The following SCN4A variants were observed in gnomAD, a reference collection of about 807,000 sequenced individuals.
SCN4A encodes the protein sodium channel protein type 4 subunit alpha.
SCN4A carries 83 observed loss-of-function variants against 162.0 expected under a neutral mutation model. The ratio of observed to expected loss-of-function variants is 0.51; its 90% CI spans 0.43 to 0.61. SCN4A has a LOEUF of 0.61. Ranked by LOEUF, SCN4A falls within the 20% of genes least tolerant of loss-of-function variation. The pLI, the probability that SCN4A is intolerant of heterozygous loss-of-function variation, is 0.00. For missense variants in SCN4A, 2,196 were observed against 2,462.5 expected (o/e 0.89, Z 2.29); for synonymous variants, 944 against 985.1 (o/e 0.96, Z 0.78).
intron 12 of SCN4A, among the ~76,000 whole-genome samples, chr17:63,958,513 T>C (rs1409581623): frequency 3.3e-5 from 5 of 152,240 alleles, no homozygotes; most frequent in Admixed American, 2.6e-4. Context: ...ACTTTCTCTA[T>C]ACTTTTGTGC....
chr17:63,954,498 G>A (rs1390875523), intron 13 of SCN4A, among the ~76,000 whole-genome samples: 1 of 152,172 alleles, frequency 6.6e-6, no homozygotes, highest in East Asian at 1.9e-4. Context: ...CATGGGGGAA[G>A]GGAGGAGGGG....
At position 63,940,560 on chromosome 17, in the gene SCN4A, A is replaced by T. The variant is rs891707863; in HGVS notation, c.*211T>A. ...GGCAGGGGCCTCAGACCCAGCATGG[A>T]GCCCCTGAGCGCAATTCCCATTTCC... On this transcript the variant is annotated 3_prime_UTR_variant, in exon 24 of 24. Coordinates refer to ENST00000435607, the MANE Select transcript of SCN4A (RefSeq NM_000334.4). 7.8e-6 allele frequency: 4 copies of T among 515,554 alleles called. No homozygotes were observed. In the African/African-American group the frequency reaches 7.8e-5, roughly 10 times the overall value. 31.9% of individuals were successfully genotyped at this position (515,554 alleles called of 1,614,324 possible).
At position 63,968,108 on chromosome 17, in the gene SCN4A, T is replaced by C. The variant is rs185246154; in HGVS notation, c.951A>G (p.Ser317=). ...YGNEMWYGND[S]WYANDTWNSH... is the part of the protein sequence containing the mutation. ...TGTTCCACGTGTCGTTGGCATACCA[T>C]GAGTCATTGCCGTACCACATCTCAT... Residue 317 remains serine (S), a synonymous_variant, in exon 6 of 24, where the codon TCA becomes TCG. Coordinates refer to ENST00000435607, the MANE Select transcript of SCN4A (RefSeq NM_000334.4). The C allele has an allele frequency of 6.9e-5, 111 of 1,613,912 alleles. No individual in the cohort carries two copies. The African/African-American group carries it at 1.4e-3, about 20-fold the overall frequency.
intron 22 of SCN4A, 24 bp from the exon 23 acceptor site, chr17:63,943,120 G>T: frequency 1.3e-6 from 2 of 1,598,776 alleles, no homozygotes; most frequent in Non-Finnish European, 1.7e-6. Context: ...GGGAGTGGAT[G>T]TGGAGGAGTT....
In SCN4A at chr17:63,945,759, G is replaced by A; in HGVS notation, c.3442-121C>T. Reference sequence around the variant, plus strand: ...ATTGTCAATTAGGGAGGGCTTCCTAGAGGAGGGCCGACCTGCTGGGCTGTG... The same window carrying A: ...ATTGTCAATTAGGGAGGGCTTCCTAAAGGAGGGCCGACCTGCTGGGCTGTG... On this transcript the variant is annotated intron_variant, in intron 18 of 23. Coordinates refer to ENST00000435607, the MANE Select transcript of SCN4A (RefSeq NM_000334.4). This position sits in a 1 kb window ranked among gnomAD's most constrained non-coding sequence, Gnocchi z 4.4. 1 of 1,024,610 alleles carries A rather than the reference G, an allele frequency of 9.8e-7. No homozygotes were observed. Among genetic ancestry groups the A allele is most frequent in the Admixed American group, 1.9e-5 (1 of 52,492 alleles). The allele number at this position is 1,024,610 out of a possible 1,614,324, so 63.5% of individuals were successfully genotyped here. A position where few individuals can be genotyped will look rare whatever the true frequency, so the allele number is the denominator to read the frequency against.
rs1453877108 is a variant in SCN4A, at chr17:63,939,862, AGGAGTGAGGCAG to A, written c.*897_*908del. ...CCTGGAGCCCTGGTGGTGCTCACGG[AGGAGTGAGGCAG>A]GGAGAGAGGGAAGGGGCGAGAATCT... On this transcript the variant is annotated 3_prime_UTR_variant, in exon 24 of 24. Transcript: ENST00000435607. 3 of 152,168 alleles carry A rather than the reference AGGAGTGAGGCAG, an allele frequency of 2.0e-5. No homozygotes were observed. The East Asian group carries it at 5.8e-4, about 29-fold the overall frequency. 9.4% of individuals were successfully genotyped at this position (152,168 alleles called of 1,614,324 possible).
Position 63,940,608 on chromosome 17 carries a change from T to A in SCN4A, c.*163A>T, listed in dbSNP as rs181284526. On this transcript the variant is annotated 3_prime_UTR_variant, in exon 24 of 24. Transcript: ENST00000435607. ...TCCCATGGTCTGGGAACGCAGGCGCTCGGGCCTGGGTGTCAGCCCCAGTGT... is the reference window on the plus strand; with the variant it reads ...TCCCATGGTCTGGGAACGCAGGCGCACGGGCCTGGGTGTCAGCCCCAGTGT... 1 of 767,288 alleles carries A rather than the reference T, an allele frequency of 1.3e-6. No homozygotes were observed. Among genetic ancestry groups the A allele is most frequent in the African/African-American group, 1.8e-5 (1 of 55,444 alleles). The allele number at this position is 767,288 out of a possible 1,614,324, so 47.5% of individuals were successfully genotyped here. A position where few individuals can be genotyped will look rare whatever the true frequency, so the allele number is the denominator to read the frequency against.
intron 8 of SCN4A, among the ~76,000 whole-genome samples, chr17:63,965,753 C>T (rs537796276): frequency 1.3e-5 from 2 of 152,238 alleles, no homozygotes; most frequent in African/African-American, 4.8e-5. Context: ...TCCCAAAGTG[C>T]TGGGATTTCA....
chr17:63,958,776 C>T (rs1386812090), intron 12 of SCN4A, among the ~76,000 whole-genome samples: 1 of 152,258 alleles, frequency 6.6e-6, no homozygotes, highest in African/African-American at 2.4e-5. Flanking sequence ...TGGTCTTGAA[C>T]TCCTGACCTC....
Position 63,968,118 on chromosome 17 carries a change from C to A in SCN4A, c.941G>T (p.Gly314Val). ...GTCGTTGGCATACCATGAGTCATTGCCGTACCACATCTCATTGCCATACCA... is the reference window on the plus strand; with the variant it reads ...GTCGTTGGCATACCATGAGTCATTGACGTACCACATCTCATTGCCATACCA... Reference protein sequence around the residue: ...DTWYGNEMWYGNDSWYANDTW... With the variant: ...DTWYGNEMWYVNDSWYANDTW... Residue 314 changes from glycine to valine, a missense_variant, in exon 6 of 24, where the codon GGC becomes GTC. Coordinates refer to ENST00000435607, the MANE Select transcript of SCN4A (RefSeq NM_000334.4). The A allele has an allele frequency of 6.2e-7, 1 of 1,613,824 alleles. No individual in the cohort carries two copies. Among genetic ancestry groups the A allele is most frequent in the Non-Finnish European group, 8.5e-7 (1 of 1,179,840 alleles).
chr17:63,971,268 G>T lies in SCN4A; in HGVS notation c.612-15C>A, dbSNP rs1237764130. ...CTGTCAGGTACCTGGGTAGGGGGTG[G>T]AGGGGGGTGGGGACTGTCAGAGCCT... On this transcript the variant is annotated splice_polypyrimidine_tract_variant and intron_variant, in intron 4 of 23. Coordinates refer to ENST00000435607, the MANE Select transcript of SCN4A (RefSeq NM_000334.4). The T allele has an allele frequency of 2.8e-6, 4 of 1,430,204 alleles. No homozygotes were observed. Among genetic ancestry groups the T allele is most frequent in the Non-Finnish European group, 1.9e-6 (2 of 1,037,478 alleles). 88.6% of individuals were successfully genotyped at this position (1,430,204 alleles called of 1,614,324 possible). A position where few individuals can be genotyped will look rare whatever the true frequency, so the allele number is the denominator to read the frequency against.
chr17:63,959,382 G>A lies in SCN4A; in HGVS notation c.1902C>T (p.Pro634=), dbSNP rs368811155. 406 of 1,613,846 alleles carry A rather than the reference G, an allele frequency of 2.5e-4. 2 individuals are homozygous for A. Among genetic ancestry groups the A allele is most frequent in the Non-Finnish European group, 3.2e-4 (374 of 1,179,862 alleles). The change falls in exon 12 of 24, where the codon CCC becomes CCT. Residue 634 remains proline (P), a synonymous_variant. Transcript: ENST00000435607. ...EMVLKLIAMD[P]YEYFQQGWNI... ...TCCAACCCTGCTGGAAATACTCGTA[G>A]GGGTCCATGGCAATCAGCTTCAGAA...
At chr17:63,962,716 AG>A (rs1346622356) in intron 10 of SCN4A, among the ~76,000 whole-genome samples, 4 of 151,976 alleles carry the variant, frequency 2.6e-5, no homozygotes, top group Non-Finnish European at 1.5e-5. Context: ...TGTCACTCAA[AG>A]CCTCCCCAGT....
At chr17:63,970,540 A>G (rs1005925136) in intron 5 of SCN4A, among the ~76,000 whole-genome samples, 16 of 151,892 alleles carry the variant, frequency 1.1e-4, no homozygotes, top group African/African-American at 3.9e-4. Flanking sequence ...TACAGCTCAT[A>G]GCAGGCTTGA....
At chr17:63,966,936 C>T (rs775405879) in intron 6 of SCN4A, among the ~76,000 whole-genome samples, 1 of 151,012 alleles carries the variant, frequency 6.6e-6, no homozygotes, top group Non-Finnish European at 1.5e-5. Context: ...TGCAAGAAGG[C>T]GCTATGTAGA....
intron 18 of SCN4A, 56 bp downstream of exon 18, chr17:63,946,989 T>C (rs1908744830): frequency 1.3e-6 from 2 of 1,492,764 alleles, no homozygotes; most frequent in East Asian, 2.4e-5. Flanking sequence ...CACCCTGCAG[T>C]GAAGGTGGCC....
chr17:63,940,936 G>A lies in SCN4A; in HGVS notation c.5346C>T (p.His1782=), dbSNP rs1567815713. The A allele has an allele frequency of 7.4e-6, 12 of 1,613,948 alleles. No homozygotes were observed. The highest frequency in any genetic ancestry group is 6.7e-5 in the East Asian group (3 of 44,880). The part of the protein sequence containing the change: ...LANTMSKMYG[H]ENGNSSSPSP... ...TTGGCGAGCTGCTGTTCCCATTCTC[G>A]TGGCCATACATCTTGCTCATGGTGT... Residue 1782 remains histidine, a synonymous_variant, in exon 24 of 24, where the codon CAC becomes CAT. Coordinates refer to ENST00000435607, the MANE Select transcript of SCN4A (RefSeq NM_000334.4).
chr17:63,951,414 C>G lies in SCN4A; in HGVS notation c.2853+10G>C. On this transcript the variant is annotated intron_variant, in intron 14 of 23. Coordinates refer to ENST00000435607, the MANE Select transcript of SCN4A (RefSeq NM_000334.4). The surrounding 1 kb of genome is among the most constrained non-coding windows in gnomAD (Gnocchi z 4.5). ...AAGCCGGGTCTGTCTGAGCCCCAGCCCCGGCTCACCTTGCTATCCTCAGGC... is the reference window on the plus strand; with the variant it reads ...AAGCCGGGTCTGTCTGAGCCCCAGCGCCGGCTCACCTTGCTATCCTCAGGC... 6.4e-7 allele frequency: 1 copy of G among 1,569,390 alleles called. No homozygotes were observed. Among genetic ancestry groups the G allele is most frequent in the Admixed American group, 1.8e-5 (1 of 57,018 alleles).
rs771069029 is a variant in SCN4A at position 63,971,870 on chromosome 17, C to A, written c.483-20G>T. ...GTGTACCTGGGGGGGAGAGGGCCGG[C>A]CGGGACAGGCATGTCACCTGGGTAG... is the stretch of plus-strand genomic sequence containing the variant. On this transcript the variant is annotated intron_variant, in intron 3 of 23. Transcript: ENST00000435607. The A allele has an allele frequency of 1.2e-6, 2 of 1,612,742 alleles. No individual in the cohort carries two copies. Among genetic ancestry groups the A allele is most frequent in the East Asian group, 4.5e-5 (2 of 44,820 alleles).
Sources: gnomAD v4.1 joint callset for allele counts (sites outside exome capture counted in the v4.1 genomes callset) on GRCh38, gnomAD v4.1.1 for gene constraint, Gnocchi (gnomAD v3.1) non-coding constraint, MANE v1.5 for transcripts, NCBI Gene and HGNC (gene_info 2026-07-23, HGNC 2026-07-21) for gene names.